KCNH8: variants seen among roughly 807,000 people sequenced by gnomAD.
KCNH8 encodes the protein potassium voltage-gated channel subfamily H member 8, also known as voltage-gated delayed rectifier potassium channel KCNH8.
A neutral mutation model predicts 103.6 loss-of-function variants in KCNH8; 70 were observed. That is an observed-to-expected ratio of 0.68 (90% CI 0.56 to 0.82). The LOEUF is 0.82. Ranked by LOEUF, KCNH8 falls within the 40% of genes least tolerant of loss-of-function variation. The pLI, the probability that KCNH8 is intolerant of heterozygous loss-of-function variation, is 0.00. For missense variants in KCNH8, 1,217 were observed against 1,329.9 expected, an observed-to-expected ratio of 0.92 and a Z score of 1.32; for synonymous variants, 498 against 489.4, an observed-to-expected ratio of 1.02 and a Z score of -0.23.
intron 1 of KCNH8, among the ~76,000 whole-genome samples, chr3:19,200,790 A>G (rs1278476380): frequency 1.3e-5 from 2 of 152,070 alleles, no homozygotes; most frequent in East Asian, 3.9e-4. Context: ...CGTTACTTTT[A>G]TAGTGAGAGT....
chr3:19,522,766 A>C (rs2068994533), intron 15 of KCNH8, among the ~76,000 whole-genome samples: 1 of 151,678 alleles, frequency 6.6e-6, no homozygotes, highest in Non-Finnish European at 1.5e-5. Flanking sequence ...GGGAATAATT[A>C]TTTTCCCCTT....
At chr3:19,447,217 G>A (rs1233550493) in intron 8 of KCNH8, among the ~76,000 whole-genome samples, 6 of 151,944 alleles carry the variant, frequency 3.9e-5, no homozygotes, top group Admixed American at 3.3e-4. Context: ...TGACAGAATG[G>A]TCATAATAAC....
chr3:19,232,729 G>T (rs1278178323), intron 1 of KCNH8, among the ~76,000 whole-genome samples: 1 of 152,148 alleles, frequency 6.6e-6, no homozygotes, highest in Non-Finnish European at 1.5e-5. Flanking sequence ...GAGTGTATGA[G>T]AATTGTATGA....
rs1320808535 is a variant in KCNH8 at position 19,352,784 on chromosome 3, A to G, written c.811+4819A>G. 2.0e-5 allele frequency among the ~76,000 whole-genome samples: 3 copies of G among 152,224 alleles called. No individual in the cohort carries two copies. The East Asian group carries it at 5.8e-4, about 29-fold the overall frequency. Reference sequence around the variant, plus strand: ...TAAATGCCCACAAGAGAAAGCAGGAAAGATCTAAAATTGACACCCTAACAT... The same window carrying G: ...TAAATGCCCACAAGAGAAAGCAGGAGAGATCTAAAATTGACACCCTAACAT... On this transcript the variant is annotated intron_variant, in intron 5 of 15. Transcript: ENST00000328405.
intron 14 of KCNH8, among the ~76,000 whole-genome samples, chr3:19,516,191 C>T (rs140718632): frequency 7.9e-5 from 12 of 152,166 alleles, no homozygotes; most frequent in Non-Finnish European, 1.0e-4. Context: ...CCCTTCCCAC[C>T]AAGTTCTAAA....
At chr3:19,226,201 A>G (rs11918308) in intron 1 of KCNH8, among the ~76,000 whole-genome samples, 15,946 of 152,248 alleles carry the variant, frequency 0.1, 2,773 homozygotes, top group African/African-American at 0.36. Flanking sequence ...TGCCAGCAGG[A>G]TTGGCAAAAC....
chr3:19,485,512 C>T (rs537970251), intron 11 of KCNH8, among the ~76,000 whole-genome samples: 2 of 152,316 alleles, frequency 1.3e-5, no homozygotes, highest in Non-Finnish European at 2.9e-5. Context: ...GACTCTTGAC[C>T]TTAGATGAGT....
intron 5 of KCNH8, among the ~76,000 whole-genome samples, chr3:19,370,082 C>T (rs2066066885): frequency 6.6e-6 from 1 of 152,098 alleles, no homozygotes; most frequent in Non-Finnish European, 1.5e-5. Context: ...CCTCCACCTT[C>T]TTCCTCTTTG....
At chr3:19,268,093 T>C (rs924366735) in intron 2 of KCNH8, among the ~76,000 whole-genome samples, 2 of 152,106 alleles carry the variant, frequency 1.3e-5, no homozygotes, top group African/African-American at 2.4e-5. Context: ...TTTGGGTCAG[T>C]CCTTCTGTTT....
chr3:19,309,120 C>T lies in KCNH8; in HGVS notation c.442+27791C>T, dbSNP rs147861017. The stretch of plus-strand genomic sequence containing the variant: ...TTTTTCTTTTTGTAGATTTAGCATG[C>T]TTGGTTGACTTTTGATTATTATTAA... On this transcript the variant is annotated intron_variant, in intron 3 of 15. Coordinates refer to ENST00000328405, the MANE Select transcript of KCNH8 (RefSeq NM_144633.3). Among the ~76,000 whole-genome samples the T allele has an allele frequency of 3.8e-4, 57 of 151,848 alleles. 1 individual carries two copies. The highest frequency in any genetic ancestry group is 1.4e-3 in the African/African-American group (56 of 41,480).
chr3:19,206,199 A>G, intron 1 of KCNH8, among the ~76,000 whole-genome samples: 1 of 126,694 alleles, frequency 7.9e-6, no homozygotes, highest in South Asian at 2.1e-4. Flanking sequence ...AGTTATATAT[A>G]TATGTATATA....
intron 5 of KCNH8, among the ~76,000 whole-genome samples, chr3:19,348,506 A>T (rs773280553): frequency 3.3e-5 from 5 of 152,150 alleles, no homozygotes; most frequent in Non-Finnish European, 5.9e-5. Flanking sequence ...GTTTGTTAAG[A>T]TAATTTATCA....
At chr3:19,499,341 A>C (rs1380480804) in intron 11 of KCNH8, among the ~76,000 whole-genome samples, 2 of 152,218 alleles carry the variant, frequency 1.3e-5, no homozygotes, top group Admixed American at 1.3e-4. Flanking sequence ...CACAAGGAGA[A>C]TGGAACCAAG....
chr3:19,234,367 G>T (rs2064034405), intron 1 of KCNH8, among the ~76,000 whole-genome samples: 1 of 152,228 alleles, frequency 6.6e-6, no homozygotes, highest in Non-Finnish European at 1.5e-5. Context: ...CGGCCGCACA[G>T]GAGCCCACGG....
At chr3:19,417,123 A>C (rs1350889676) in intron 7 of KCNH8, among the ~76,000 whole-genome samples, 1 of 150,310 alleles carries the variant, frequency 6.7e-6, no homozygotes, top group African/African-American at 2.4e-5. Context: ...TGGAAATTTC[A>C]CTTCCAAATA....
chr3:19,496,023 G>A (rs2068433487), intron 11 of KCNH8, among the ~76,000 whole-genome samples: 1 of 152,040 alleles, frequency 6.6e-6, no homozygotes. Context: ...TATACAGGAA[G>A]GCTACTGATT....
At chr3:19,505,549 T>A (rs1231376197) in intron 11 of KCNH8, among the ~76,000 whole-genome samples, 1 of 152,162 alleles carries the variant, frequency 6.6e-6, no homozygotes, top group East Asian at 1.9e-4. Context: ...CTCATGGGGT[T>A]CCCTTTGTAG....
At chr3:19,295,383 C>CAAATAAATAAATAAATAAATAAAT (rs554786703) in intron 3 of KCNH8, among the ~76,000 whole-genome samples, 8 of 145,302 alleles carry the variant, frequency 5.5e-5, no homozygotes, top group Admixed American at 1.4e-4. Flanking sequence ...GACCCTGTCT[C>CAAATAAATAAATAAATAAATAAAT]AAATAAATAA....
chr3:19,157,837 T>C (rs1449683707), intron 1 of KCNH8, among the ~76,000 whole-genome samples: 1 of 151,824 alleles, frequency 6.6e-6, no homozygotes, highest in Admixed American at 6.6e-5. Context: ...CTTTGAGCCA[T>C]TTATATAGTT....
Sources: gnomAD v4.1 joint callset for allele counts (sites outside exome capture counted in the v4.1 genomes callset) on GRCh38, gnomAD v4.1.1 for gene constraint, MANE v1.5 for transcripts, NCBI Gene and HGNC (gene_info 2026-07-23, HGNC 2026-07-21) for gene names.